The following ZP3 variants were observed in gnomAD, a reference collection of about 807,000 sequenced individuals.
ZP3 encodes the protein zona pellucida sperm-binding protein 3.
A neutral mutation model predicts 35.6 loss-of-function variants in ZP3; 21 were observed. That is an observed-to-expected ratio of 0.59 (90% CI 0.42 to 0.85). The LOEUF (loss-of-function observed/expected upper bound fraction) is 0.85, where lower values mean the gene tolerates loss of function less well. Ranked by LOEUF, ZP3 falls within the 40% of genes least tolerant of loss-of-function variation. The pLI is 0.00. For synonymous variants in ZP3, 207 were observed against 214.5 expected (o/e 0.96, Z 0.31); for missense variants, 437 against 536.5 (o/e 0.81, Z 1.83).
chr7:76,433,327 C>G (rs6966715), intron 3 of ZP3, 143 bp from the exon 4 acceptor site: 434,358 of 864,698 alleles, frequency 0.5, 111,898 homozygotes, highest in African/African-American at 0.6. Context: ...GCTAACTTTT[C>G]TATTTTTAGT....
chr7:76,398,309 ATTTTT>A (rs575917641), intron 1 of ZP3, among the ~76,000 whole-genome samples: 8 of 127,214 alleles, frequency 6.3e-5, no homozygotes, highest in Admixed American at 8.1e-5. Context: ...TTCATTTTCT[ATTTTT>A]TTTTTTTTTT....
chr7:76,414,336 ACC>A (rs2115846334), intron 1 of ZP3, among the ~76,000 whole-genome samples: 1 of 152,090 alleles, frequency 6.6e-6, no homozygotes, highest in African/African-American at 2.4e-5. Context: ...AAATTTTAGT[ACC>A]TCTCTAAGTC....
chr7:76,407,278 T>C (rs1805067458), intron 1 of ZP3, among the ~76,000 whole-genome samples: 1 of 151,998 alleles, frequency 6.6e-6, no homozygotes, highest in Admixed American at 6.6e-5. Context: ...AAATTAACTC[T>C]AGGCCAAGTG....
At chr7:76,400,860 G>A in intron 1 of ZP3, 1 of 1,216,256 alleles carries the variant, frequency 8.2e-7, no homozygotes, top group South Asian at 1.4e-5. Flanking sequence ...AATCCCTTCT[G>A]GAAAATGGGG....
intron 2 of ZP3, 31 bp downstream of exon 2, chr7:76,429,664 T>C: frequency 6.3e-7 from 1 of 1,591,170 alleles, no homozygotes; most frequent in South Asian, 1.1e-5. Context: ...TGGCCCCTGG[T>C]GCAAAAGCCC....
intron 2 of ZP3, among the ~76,000 whole-genome samples, chr7:76,430,505 G>A (rs1264474570): frequency 6.6e-6 from 1 of 152,160 alleles, no homozygotes; most frequent in Non-Finnish European, 1.5e-5. Context: ...GGAGGCCAAG[G>A]TGGGCAGCTC....
At chr7:76,422,192 C>T (rs994863270), upstream of ZP3, among the ~76,000 whole-genome samples, 3 of 151,996 alleles carry the variant, frequency 2.0e-5, no homozygotes, top group Admixed American at 1.3e-4. Context: ...CCACTACGCC[C>T]GGCCAATACT....
intron 1 of ZP3, among the ~76,000 whole-genome samples, chr7:76,405,345 T>C (rs1402623287): frequency 1.4e-4 from 15 of 105,142 alleles, no homozygotes; most frequent in African/African-American, 4.5e-4. Flanking sequence ...CTTTCTTTTT[T>C]TTTTTTTTTT....
intron 1 of ZP3, among the ~76,000 whole-genome samples, chr7:76,398,519 GGTCTGGAGCTCCCAACCTCAAGTGATCC>G (rs1804713565): frequency 6.6e-6 from 1 of 152,090 alleles, no homozygotes; most frequent in South Asian, 2.1e-4. Context: ...TGGCCAGTCT[GGTCTGGAGCTCCCAACCTCAAGTGATCC>G]GCTGGCCTCG....
chr7:76,415,499 A>T (rs554897171), intron 1 of ZP3, among the ~76,000 whole-genome samples: 17 of 148,826 alleles, frequency 1.1e-4, no homozygotes, highest in African/African-American at 3.5e-4. Flanking sequence ...TTTTTTATTT[A>T]TTTATTTTTT....
chr7:76,428,388 CCT>C (rs1805732766), intron 1 of ZP3, among the ~76,000 whole-genome samples: 1 of 152,066 alleles, frequency 6.6e-6, no homozygotes, highest in South Asian at 2.1e-4. Flanking sequence ...ATGCTAATCA[CCT>C]GGAAAGGTTG....
chr7:76,435,082 C>T (rs1193045195), intron 5 of ZP3, among the ~76,000 whole-genome samples: 1 of 152,212 alleles, frequency 6.6e-6, no homozygotes, highest in Non-Finnish European at 1.5e-5. Context: ...TGCGGTGGCT[C>T]GTGCCCATAA....
intron 3 of ZP3, 141 bp downstream of exon 3, chr7:76,433,171 T>TTGGTTGGTTTTGGTTGGTTC: frequency 1.3e-6 from 1 of 785,700 alleles, no homozygotes; most frequent in Non-Finnish European, 2.0e-6. Flanking sequence ...TTGGTTGGTT[T>TTGGTTGGTTTTGGTTGGTTC]TTGAGACAGT....
At chr7:76,438,557 A>G (rs868098277) in intron 5 of ZP3, among the ~76,000 whole-genome samples, 8 of 143,900 alleles carry the variant, frequency 5.6e-5, no homozygotes, top group Non-Finnish European at 7.6e-5. Context: ...AAAAAAAAAA[A>G]GGGTAGCGGG....
intron 1 of ZP3, among the ~76,000 whole-genome samples, chr7:76,414,140 G>T (rs570762294): frequency 6.6e-6 from 1 of 151,798 alleles, no homozygotes; most frequent in African/African-American, 2.4e-5. Flanking sequence ...GGGATTACAG[G>T]TGTGTGCCAC....
chr7:76,432,605 C>T (rs560069695), intron 2 of ZP3, among the ~76,000 whole-genome samples: 10 of 152,210 alleles, frequency 6.6e-5, no homozygotes, highest in Admixed American at 5.2e-4. Flanking sequence ...CATGAGCCAC[C>T]GCACTCAGGT....
At chr7:76,425,586 C>CA (rs1805627152) in intron 1 of ZP3, among the ~76,000 whole-genome samples, 1 of 152,096 alleles carries the variant, frequency 6.6e-6, no homozygotes, top group Non-Finnish European at 1.5e-5. Flanking sequence ...ATAGGATAGC[C>CA]CTGTGGGTAG....
intron 1 of ZP3, 118 bp downstream of exon 1, chr7:76,425,394 G>A (rs955760164): frequency 8.7e-7 from 1 of 1,154,068 alleles, no homozygotes; most frequent in Non-Finnish European, 1.2e-6. Flanking sequence ...ACTTGTAGGT[G>A]GGGAGGTGGC....
At chr7:76,434,632 A>G (rs1186319410) in intron 5 of ZP3, among the ~76,000 whole-genome samples, 5 of 134,708 alleles carry the variant, frequency 3.7e-5, no homozygotes, top group Admixed American at 3.1e-4. Context: ...GTGAGACTCC[A>G]TCTCCAAAAA....
Sources: gnomAD v4.1 joint callset for allele counts (sites outside exome capture counted in the v4.1 genomes callset) on GRCh38, gnomAD v4.1.1 for gene constraint, MANE v1.5 for transcripts, NCBI Gene and HGNC (gene_info 2026-07-23, HGNC 2026-07-21) for gene names.